Variants in PTPN4 observed in about 807,000 individuals in gnomAD.
PTPN4 encodes tyrosine-protein phosphatase non-receptor type 4.
PTPN4 carries 49 observed loss-of-function variants against 135.5 expected under a neutral mutation model. The observed-to-expected ratio is 0.36, with a 90% CI of 0.29 to 0.46. The LOEUF (loss-of-function observed/expected upper bound fraction) is 0.46, where lower values mean the gene tolerates loss of function less well. PTPN4 is among the 20% of genes least tolerant of loss of function. The probability of loss-of-function intolerance (pLI) is 1.00; values close to 1 mark genes in which losing one functional copy is unlikely to be tolerated. For synonymous variants in PTPN4, 333 were observed against 369.9 expected (o/e 0.90, Z 1.14); for missense variants, 860 against 1,101.0 (o/e 0.78, Z 3.10).
intron 3 of PTPN4, among the ~76,000 whole-genome samples, chr2:119,866,438 A>G (rs1208136440): frequency 1.3e-5 from 2 of 152,082 alleles, no homozygotes; most frequent in Non-Finnish European, 2.9e-5. Context: ...AGCTTGCATG[A>G]GAAACAACTG....
At position 119,832,073 on chromosome 2, in the gene PTPN4, G is replaced by C. The variant is rs926721124; in HGVS notation, c.138+22082G>C. 3.9e-5 allele frequency among the ~76,000 whole-genome samples: 6 copies of C among 151,980 alleles called. No homozygotes were observed. In the East Asian group the frequency reaches 1.2e-3, roughly 29 times the overall value. On this transcript the variant is annotated intron_variant, in intron 2 of 26. Coordinates refer to ENST00000263708, the MANE Select transcript of PTPN4 (RefSeq NM_002830.4). The stretch of plus-strand genomic sequence containing the variant: ...GAGAATAGCTCATAGAAAGCTTGTG[G>C]GTCTCTTATTGTATATCCATCCTGA...
intron 1 of PTPN4, among the ~76,000 whole-genome samples, chr2:119,770,044 A>G (rs1228912819): frequency 6.6e-6 from 1 of 152,254 alleles, no homozygotes; most frequent in African/African-American, 2.4e-5. Context: ...ATTAAAAATT[A>G]CGTCCAAAAT....
chr2:119,832,009 A>G (rs1389125286), intron 2 of PTPN4, among the ~76,000 whole-genome samples: 2 of 152,074 alleles, frequency 1.3e-5, no homozygotes, highest in Admixed American at 1.3e-4. Flanking sequence ...TTGCCATTCT[A>G]TGTGGTATGA....
intron 2 of PTPN4, among the ~76,000 whole-genome samples, chr2:119,853,095 T>C (rs1272491750): frequency 6.6e-6 from 1 of 152,214 alleles, no homozygotes; most frequent in Admixed American, 6.5e-5. Context: ...TATATTCTGC[T>C]GTTGTCGAGT....
chr2:119,862,426 C>A, intron 2 of PTPN4, 110 bp from the exon 3 acceptor site: 1 of 913,820 alleles, frequency 1.1e-6, no homozygotes, highest in Non-Finnish European at 1.6e-6. Flanking sequence ...CGTTTGCTAC[C>A]TCTGGCATAA....
chr2:119,973,089 A>AC (rs1301019118), intron 26 of PTPN4, among the ~76,000 whole-genome samples: 4 of 152,240 alleles, frequency 2.6e-5, no homozygotes, highest in Admixed American at 2.6e-4. Context: ...TGTTAAGTAT[A>AC]CTTACATTTT....
intron 1 of PTPN4, among the ~76,000 whole-genome samples, chr2:119,775,340 T>A (rs2104923912): frequency 6.6e-6 from 1 of 151,696 alleles, no homozygotes; most frequent in Middle Eastern, 3.4e-3. Context: ...GGACAATAAC[T>A]CTTTTTCTGG....
intron 15 of PTPN4, among the ~76,000 whole-genome samples, chr2:119,943,176 C>CA (rs1679084129): frequency 2.4e-4 from 36 of 152,178 alleles, no homozygotes; most frequent in Admixed American, 2.4e-3. Context: ...TAAGACCATA[C>CA]AATCACATCA....
At chr2:119,929,932 C>CT (rs1301652271) in intron 13 of PTPN4, among the ~76,000 whole-genome samples, 1 of 152,048 alleles carries the variant, frequency 6.6e-6, no homozygotes, top group African/African-American at 2.4e-5. Context: ...TTTCATACAG[C>CT]TTACATTTCG....
chr2:119,762,314 C>A (rs1023372396), intron 1 of PTPN4, among the ~76,000 whole-genome samples: 1 of 150,966 alleles, frequency 6.6e-6, no homozygotes, highest in Non-Finnish European at 1.5e-5. Context: ...ATACAATTTA[C>A]GTGAGATGGT....
At chr2:119,872,977 T>C (rs962578468) in intron 3 of PTPN4, among the ~76,000 whole-genome samples, 1 of 152,084 alleles carries the variant, frequency 6.6e-6, no homozygotes, top group African/African-American at 2.4e-5. Flanking sequence ...CCCTGAACAG[T>C]TTGGAGTTAA....
intron 15 of PTPN4, among the ~76,000 whole-genome samples, chr2:119,936,148 G>A (rs530232343): frequency 6.6e-6 from 1 of 151,988 alleles, no homozygotes; most frequent in Admixed American, 6.6e-5. Context: ...GACTACAGGC[G>A]CCAGCCACCA....
At chr2:119,849,612 A>G (rs1318306030) in intron 2 of PTPN4, among the ~76,000 whole-genome samples, 3 of 152,178 alleles carry the variant, frequency 2.0e-5, no homozygotes, top group Admixed American at 1.3e-4. Flanking sequence ...CAAACCGGAC[A>G]TTTTAGATTG....
At chr2:119,837,291 T>C (rs1677309381) in intron 2 of PTPN4, among the ~76,000 whole-genome samples, 1 of 152,044 alleles carries the variant, frequency 6.6e-6, no homozygotes, top group Non-Finnish European at 1.5e-5. Flanking sequence ...TTCGAGGCAA[T>C]CTGTCTGTGG....
Position 119,977,322 on chromosome 2 carries a change from T to C in PTPN4, c.*252T>C. 2.2e-6 allele frequency: 1 copy of C among 460,760 alleles called. No homozygotes were observed. The highest frequency in any genetic ancestry group is 3.1e-6 in the Non-Finnish European group (1 of 324,408). 28.5% of individuals were successfully genotyped at this position (460,760 alleles called of 1,614,324 possible). A position where few individuals can be genotyped will look rare whatever the true frequency, so the allele number is the denominator to read the frequency against. On this transcript the variant is annotated 3_prime_UTR_variant, in exon 27 of 27. Coordinates refer to ENST00000263708, the MANE Select transcript of PTPN4 (RefSeq NM_002830.4). Reference sequence around the variant, plus strand: ...AGTAAATAACTGAGTATGTTCAGGGTAATTTATGAAATTTTGTGGTGGTGC... The same window carrying C: ...AGTAAATAACTGAGTATGTTCAGGGCAATTTATGAAATTTTGTGGTGGTGC...
chr2:119,825,225 C>T (rs531793704), intron 2 of PTPN4, among the ~76,000 whole-genome samples: 2 of 151,968 alleles, frequency 1.3e-5, no homozygotes, highest in South Asian at 4.2e-4. Flanking sequence ...GTAGAAACAG[C>T]TTTTTTTTAT....
chr2:119,833,282 G>A (rs922908288), intron 2 of PTPN4, among the ~76,000 whole-genome samples: 5 of 151,474 alleles, frequency 3.3e-5, no homozygotes, highest in East Asian at 1.9e-4. Context: ...TTCCTTTCTC[G>A]TGCTCTTCAG....
chr2:119,778,733 A>G (rs1029163404), intron 1 of PTPN4, among the ~76,000 whole-genome samples: 4 of 152,238 alleles, frequency 2.6e-5, no homozygotes, highest in African/African-American at 9.6e-5. Flanking sequence ...TTTAATATAT[A>G]GTTAATATAA....
intron 1 of PTPN4, among the ~76,000 whole-genome samples, chr2:119,764,481 C>G (rs1434830486): frequency 6.6e-6 from 1 of 152,172 alleles, no homozygotes; most frequent in Non-Finnish European, 1.5e-5. Context: ...ATCTCTGTCT[C>G]CAATTCATGT....
Sources: gnomAD v4.1 joint callset for allele counts (sites outside exome capture counted in the v4.1 genomes callset) on GRCh38, gnomAD v4.1.1 for gene constraint, MANE v1.5 for transcripts, NCBI Gene and HGNC (gene_info 2026-07-23, HGNC 2026-07-21) for gene names.